The following ZNF215 variants were observed in gnomAD, a reference collection of about 807,000 sequenced individuals.
The protein encoded by ZNF215 is zinc finger protein 215, also known as BWSCR2-associated zinc finger protein 2.
In ZNF215, 24 loss-of-function variants were observed where a neutral mutation model predicts 27.2. That is an observed-to-expected ratio of 0.88 (90% CI 0.64 to 1.24). The LOEUF (loss-of-function observed/expected upper bound fraction) is 1.24, where lower values mean the gene tolerates loss of function less well. Among genes scored for constraint, ZNF215 ranks in the 50% most tolerant of loss-of-function variants. The pLI is 0.00. For missense variants in ZNF215, 675 were observed against 605.7 expected (o/e 1.11, Z -1.20); for synonymous variants, 210 against 204.0 (o/e 1.03, Z -0.25).
chr11:6,933,749 G>A (rs1041061464), intron 3 of ZNF215, among the ~76,000 whole-genome samples: 16 of 147,802 alleles, frequency 1.1e-4, no homozygotes, highest in African/African-American at 3.5e-4. Context: ...GAGCCGAGAT[G>A]GCGCCACTGC....
rs578074060 is a variant in ZNF215, at chr11:6,970,865, A to G, written c.806-13264A>G. 1.4e-4 allele frequency among the ~76,000 whole-genome samples: 21 copies of G among 152,344 alleles called. No individual in the cohort carries two copies. In the South Asian group the frequency reaches 3.9e-3, roughly 29 times the overall value. ...ACATGTATACATGTGATAGTTCTAA[A>G]CAATGGAATGTGCACCAAACATGAT... On this transcript the variant is annotated intron_variant, in intron 5 of 5. Coordinates refer to the ZNF215 transcript ENST00000529903.
intron 5 of ZNF215, among the ~76,000 whole-genome samples, chr11:6,967,742 G>T (rs908570718): frequency 6.6e-6 from 1 of 152,170 alleles, no homozygotes; most frequent in Non-Finnish European, 1.5e-5. Context: ...TAGGTTGCCT[G>T]TTCACTCTGA....
At chr11:6,942,875 T>A (rs567702007) in intron 4 of ZNF215, among the ~76,000 whole-genome samples, 10 of 152,316 alleles carry the variant, frequency 6.6e-5, no homozygotes, top group African/African-American at 2.4e-4. Context: ...TTCTTTTGTA[T>A]CCCTAACAGA....
At chr11:6,942,560 C>A (rs964780040) in intron 4 of ZNF215, among the ~76,000 whole-genome samples, 2 of 152,122 alleles carry the variant, frequency 1.3e-5, no homozygotes, top group African/African-American at 4.8e-5. Context: ...AGGGAGGCTA[C>A]TTTGGGCAGT....
intron 5 of ZNF215, among the ~76,000 whole-genome samples, chr11:6,977,132 A>ATG (rs1850850657): frequency 6.6e-6 from 1 of 152,020 alleles, no homozygotes; most frequent in Non-Finnish European, 1.5e-5. Context: ...AATACCTCAA[A>ATG]TGTGACTGCA....
At chr11:6,979,521 G>C (rs1016367340) in intron 5 of ZNF215, among the ~76,000 whole-genome samples, 3 of 151,952 alleles carry the variant, frequency 2.0e-5, no homozygotes, top group African/African-American at 7.2e-5. Context: ...CAAATACTGT[G>C]AATAAGCCAA....
chr11:6,943,241 TG>T, intron 5 of ZNF215, 26 bp downstream of exon 5: 1 of 1,594,664 alleles, frequency 6.3e-7, no homozygotes, highest in Non-Finnish European at 8.5e-7. Context: ...TTACCTAATC[TG>T]TCCATTTAGT....
chr11:6,964,045 A>G (rs1850568011), intron 5 of ZNF215, among the ~76,000 whole-genome samples: 1 of 152,000 alleles, frequency 6.6e-6, no homozygotes, highest in Admixed American at 6.6e-5. Context: ...ATAGTACCTC[A>G]TTATCACTTC....
intron 5 of ZNF215, among the ~76,000 whole-genome samples, chr11:6,981,570 T>G (rs1850952961): frequency 6.6e-6 from 1 of 152,110 alleles, no homozygotes; most frequent in South Asian, 2.1e-4. Flanking sequence ...GCCTGTTCAC[T>G]CTGATGGTAG....
downstream of ZNF215, among the ~76,000 whole-genome samples, chr11:6,959,063 T>C (rs929380681): frequency 1.3e-5 from 2 of 152,174 alleles, no homozygotes; most frequent in Non-Finnish European, 2.9e-5. Context: ...CATCCTTCAA[T>C]CCAATCAAGT....
At chr11:6,953,336 A>C (rs1184319965) in intron 6 of ZNF215, among the ~76,000 whole-genome samples, 2 of 152,214 alleles carry the variant, frequency 1.3e-5, no homozygotes. Context: ...GTGTTTTCTA[A>C]CTTGGTTCCA....
At chr11:6,950,812 A>G (rs372129318) in intron 6 of ZNF215, among the ~76,000 whole-genome samples, 14,109 of 128,138 alleles carry the variant, frequency 0.11, 1,041 homozygotes, top group Middle Eastern at 0.16. Flanking sequence ...TCTTGTGCCA[A>G]TTTTCAAAGG....
At chr11:6,946,831 C>T (rs949792724) in intron 6 of ZNF215, among the ~76,000 whole-genome samples, 1 of 151,908 alleles carries the variant, frequency 6.6e-6, no homozygotes, top group Non-Finnish European at 1.5e-5. Flanking sequence ...CATCTCCAGC[C>T]CGTGGTGCAT....
At chr11:6,941,494 A>T (rs1849629543) in intron 3 of ZNF215, 77 bp from the exon 4 acceptor site, 1 of 1,285,542 alleles carries the variant, frequency 7.8e-7, no homozygotes, top group Non-Finnish European at 1.1e-6. Context: ...TGAATATCAT[A>T]TTAAAACAAC....
chr11:6,970,351 A>G (rs1850697061), intron 5 of ZNF215, among the ~76,000 whole-genome samples: 1 of 152,206 alleles, frequency 6.6e-6, no homozygotes, highest in Non-Finnish European at 1.5e-5. Flanking sequence ...ACCAAGTCCA[A>G]TGTTTTGCCC....
In ZNF215 at chr11:6,947,289, A is replaced by G. The variant is rs1277282894; in HGVS notation, c.712+3648A>G. Among the ~76,000 whole-genome samples, 3 of 152,210 alleles carry G rather than the reference A, an allele frequency of 2.0e-5. No individual in the cohort carries two copies. In the East Asian group the frequency reaches 5.8e-4, roughly 29 times the overall value. On this transcript the variant is annotated intron_variant, in intron 6 of 6. Coordinates refer to ENST00000278319, the MANE Select transcript of ZNF215 (RefSeq NM_013250.4). ...TGTGGTGGATTAAAGATGACCACAA[A>G]ATCTATGTCATAGTCTCCATCATGA... is the stretch of plus-strand genomic sequence containing the variant.
chr11:6,932,886 T>G (rs1039319774), intron 3 of ZNF215, among the ~76,000 whole-genome samples: 1 of 152,226 alleles, frequency 6.6e-6, no homozygotes, highest in Non-Finnish European at 1.5e-5. Context: ...ATTTGCCAGT[T>G]AAAAATATTA....
intron 3 of ZNF215, among the ~76,000 whole-genome samples, chr11:6,937,094 A>G (rs1020639306): frequency 6.6e-6 from 1 of 151,998 alleles, no homozygotes; most frequent in Non-Finnish European, 1.5e-5. Context: ...ATTAGGCAAG[A>G]AAAAAAGAAA....
chr11:6,972,366 A>G (rs1188377165), intron 5 of ZNF215, among the ~76,000 whole-genome samples: 1 of 151,828 alleles, frequency 6.6e-6, no homozygotes. Context: ...TTTGGCCCAC[A>G]TAATTCATCA....
Sources: allele counts gnomAD v4.1 joint callset (sites outside exome capture counted in the v4.1 genomes callset), GRCh38; gene constraint gnomAD v4.1.1; transcripts MANE v1.5; gene names NCBI Gene and HGNC (gene_info 2026-07-23, HGNC 2026-07-21).